RIGI: variants seen among roughly 807,000 people sequenced by gnomAD.
RIGI encodes antiviral innate immune response receptor RIG-I.
the RIGI span, among the ~76,000 whole-genome samples, chr9:32,479,900 A>AT: frequency 0.16 from 24,727 of 151,564 alleles, 2,219 homozygotes; most frequent in Middle Eastern, 0.3. Context: ...ACTTTTTCAT[A>AT]TTTTTAAAGC....
the RIGI span, among the ~76,000 whole-genome samples, chr9:32,479,338 T>C: frequency 6.6e-6 from 1 of 152,182 alleles, no homozygotes; most frequent in African/African-American, 2.4e-5. Context: ...TTGTTAAATA[T>C]TAACCAGCAC....
chr9:32,504,206 A>G, the RIGI span, among the ~76,000 whole-genome samples: 1 of 152,158 alleles, frequency 6.6e-6, no homozygotes, highest in Non-Finnish European at 1.5e-5. Flanking sequence ...CAATAATCAC[A>G]ATATCTGATT....
the RIGI span, among the ~76,000 whole-genome samples, chr9:32,504,025 G>A: frequency 1.6e-5 from 1 of 62,370 alleles, no homozygotes; most frequent in African/African-American, 5.8e-5. Flanking sequence ...CTGGGTAATA[G>A]AGCAAGACTC....
the RIGI span, among the ~76,000 whole-genome samples, chr9:32,509,564 A>G: frequency 6.6e-6 from 1 of 152,180 alleles, no homozygotes; most frequent in Admixed American, 6.5e-5. Context: ...CGAAAAGGAC[A>G]TCCACACAGA....
chr9:32,479,284 T>C, the RIGI span, among the ~76,000 whole-genome samples: 4 of 152,170 alleles, frequency 2.6e-5, no homozygotes, highest in African/African-American at 9.7e-5. Flanking sequence ...AATAAAATAA[T>C]AAGCTTATGT....
At chr9:32,510,469 T>C in the RIGI span, among the ~76,000 whole-genome samples, 1 of 152,164 alleles carries the variant, frequency 6.6e-6, no homozygotes, top group African/African-American at 2.4e-5. Context: ...CAACCCAGAA[T>C]TTCATATACA....
the RIGI span, among the ~76,000 whole-genome samples, chr9:32,494,708 C>A: frequency 6.6e-6 from 1 of 152,062 alleles, no homozygotes; most frequent in Non-Finnish European, 1.5e-5. Flanking sequence ...TCCTGGTAAC[C>A]ACCACTCTTT....
chr9:32,485,108 A>G, the RIGI span: 1 of 1,198,336 alleles, frequency 8.3e-7, no homozygotes, highest in South Asian at 1.4e-5. Flanking sequence ...GAACACAAAA[A>G]GACGATAGTG....
chr9:32,511,376 A>G, the RIGI span, among the ~76,000 whole-genome samples: 11 of 152,346 alleles, frequency 7.2e-5, no homozygotes, highest in African/African-American at 2.4e-4. Context: ...CGGAAATCAT[A>G]ACAGTCTGTC....
At chr9:32,466,768 A>G in the RIGI span, among the ~76,000 whole-genome samples, 2 of 149,308 alleles carry the variant, frequency 1.3e-5, no homozygotes, top group African/African-American at 2.5e-5. Context: ...AAAAACTAGG[A>G]GCCCACCTTA....
At chr9:32,520,100 C>T in the RIGI span, among the ~76,000 whole-genome samples, 1 of 151,406 alleles carries the variant, frequency 6.6e-6, no homozygotes, top group South Asian at 2.1e-4. Context: ...ATTGAATTTC[C>T]AAAACTGATA....
chr9:32,466,592 T>C, the RIGI span: 4 of 666,790 alleles, frequency 6.0e-6, no homozygotes, highest in Non-Finnish European at 9.6e-6. Flanking sequence ...AAGAGTGAAC[T>C]CATGAGGCAG....
the RIGI span, among the ~76,000 whole-genome samples, chr9:32,497,130 C>T: frequency 1.1e-4 from 16 of 152,118 alleles, no homozygotes; most frequent in Non-Finnish European, 2.2e-4. Context: ...ATCTGCAGTT[C>T]GCTTTTGGTA....
At chr9:32,470,803 G>T in the RIGI span, among the ~76,000 whole-genome samples, 1 of 152,348 alleles carries the variant, frequency 6.6e-6, no homozygotes, top group African/African-American at 2.4e-5. Flanking sequence ...GCTTAACTGT[G>T]CAAGGAAGAG....
the RIGI span, among the ~76,000 whole-genome samples, chr9:32,464,539 G>A: frequency 3.9e-5 from 6 of 152,192 alleles, no homozygotes; most frequent in South Asian, 6.2e-4. Flanking sequence ...ACAGGTGCCC[G>A]TCACCGCGCC....
At chr9:32,496,530 G>A in the RIGI span, among the ~76,000 whole-genome samples, 3 of 152,276 alleles carry the variant, frequency 2.0e-5, no homozygotes, top group Non-Finnish European at 1.5e-5. Flanking sequence ...GGACATCAGA[G>A]GTCCTGGTTC....
the RIGI span, among the ~76,000 whole-genome samples, chr9:32,460,252 A>G: frequency 0.027 from 4,086 of 152,064 alleles, 180 homozygotes; most frequent in African/African-American, 0.092. Flanking sequence ...TGTTTTCCCA[A>G]TCTCGGTTAT....
chr9:32,521,516 G>A, the RIGI span, among the ~76,000 whole-genome samples: 1 of 152,104 alleles, frequency 6.6e-6, no homozygotes. Flanking sequence ...GATATCAAGT[G>A]TCTTAAATCT....
chr9:32,525,997 G>A, the RIGI span: 1,539 of 1,259,742 alleles, frequency 1.2e-3, 11 homozygotes, highest in African/African-American at 0.02. Context: ...AGAAGGGAAC[G>A]AAGCAAGAGA....
Sources: allele counts gnomAD v4.1 joint callset (sites outside exome capture counted in the v4.1 genomes callset), GRCh38; gene constraint gnomAD v4.1.1; transcripts MANE v1.5; gene names NCBI Gene and HGNC (gene_info 2026-07-23, HGNC 2026-07-21).